Variants in MED13L observed in about 807,000 individuals in gnomAD.
The protein encoded by MED13L is mediator of RNA polymerase II transcription subunit 13-like.
Under a neutral mutation model 220.9 loss-of-function variants are expected in MED13L, and 7 were observed. That is an observed-to-expected ratio of 0.03 (90% CI 0.02 to 0.06). MED13L has a LOEUF of 0.06. Ranked by LOEUF, MED13L falls within the 10% of genes least tolerant of loss-of-function variation. The probability of loss-of-function intolerance (pLI) is 1.00; values close to 1 mark genes in which losing one functional copy is unlikely to be tolerated. For missense variants in MED13L, 1,965 were observed against 2,760.5 expected (o/e 0.71, Z 6.46); for synonymous variants, 1,011 against 1,015.2 (o/e 1.00, Z 0.08).
At chr12:116,045,722 T>C (rs575470018) in intron 4 of MED13L, among the ~76,000 whole-genome samples, 1 of 152,126 alleles carries the variant, frequency 6.6e-6, no homozygotes, top group Non-Finnish European at 1.5e-5. Context: ...CCAAACGGGA[T>C]CCAGTTCAGA....
intron 4 of MED13L, among the ~76,000 whole-genome samples, chr12:116,092,083 T>C (rs1872268519): frequency 1.3e-5 from 2 of 152,248 alleles, no homozygotes; most frequent in African/African-American, 2.4e-5. Context: ...TATGCATGAT[T>C]ATGTAAGTCC....
At position 116,223,436 on chromosome 12, in the gene MED13L, G is replaced by A. The variant is rs186279024; in HGVS notation, c.310+14032C>T. On this transcript the variant is annotated intron_variant, in intron 2 of 30. Transcript: ENST00000281928. ...AAATAAGATACTGCAGGCCCAGTGC[G>A]ATGGATCACGCTTGTAATCCCAGCA... is the stretch of plus-strand genomic sequence containing the variant. Among the ~76,000 whole-genome samples, 525 of 152,190 alleles carry A rather than the reference G, an allele frequency of 3.4e-3. 4 individuals are homozygous for A. The highest frequency in any genetic ancestry group is 5.6e-3 in the Non-Finnish European group (383 of 68,018).
intron 2 of MED13L, among the ~76,000 whole-genome samples, chr12:116,208,612 T>G (rs191773646): frequency 2.0e-5 from 3 of 152,180 alleles, no homozygotes; most frequent in African/African-American, 7.2e-5. Flanking sequence ...TCAAGTAAGA[T>G]TCAACTGTTC....
At chr12:116,047,797 C>T (rs984473033) in intron 4 of MED13L, among the ~76,000 whole-genome samples, 1 of 152,206 alleles carries the variant, frequency 6.6e-6, no homozygotes, top group African/African-American at 2.4e-5. Context: ...GTTCTACTGC[C>T]ACATAACCTG....
chr12:116,054,980 G>T (rs908954718), intron 4 of MED13L, among the ~76,000 whole-genome samples: 1 of 152,170 alleles, frequency 6.6e-6, no homozygotes, highest in Admixed American at 6.5e-5. Context: ...ACATGCAAGG[G>T]ATTAAATAAA....
chr12:116,239,743 A>G lies in MED13L; in HGVS notation c.73-2038T>C, dbSNP rs548237688. Reference sequence around the variant, plus strand: ...GACTCATGATGAGTGCTACCACGTTACTGTTCAATTAATAGTCTCCCCAAT... The same window carrying G: ...GACTCATGATGAGTGCTACCACGTTGCTGTTCAATTAATAGTCTCCCCAAT... On this transcript the variant is annotated intron_variant, in intron 1 of 30. Coordinates refer to ENST00000281928, the MANE Select transcript of MED13L (RefSeq NM_015335.5). Among the ~76,000 whole-genome samples, 79 of 152,240 alleles carry G rather than the reference A, an allele frequency of 5.2e-4. 1 individual carries two copies. Among genetic ancestry groups the G allele is most frequent in the Non-Finnish European group, 9.8e-4 (67 of 68,046 alleles).
chr12:116,236,469 C>A (rs1870091292), intron 2 of MED13L, among the ~76,000 whole-genome samples: 1 of 151,206 alleles, frequency 6.6e-6, no homozygotes, highest in Non-Finnish European at 1.5e-5. Flanking sequence ...AGAACAGAGC[C>A]TCGAACATAC....
intron 4 of MED13L, among the ~76,000 whole-genome samples, chr12:116,078,054 G>GA (rs1870941132): frequency 6.8e-6 from 1 of 146,762 alleles, no homozygotes; most frequent in Non-Finnish European, 1.5e-5. Flanking sequence ...TGAGGCACAA[G>GA]AATTGCTTGA....
At chr12:116,148,102 G>A (rs945546827) in intron 2 of MED13L, among the ~76,000 whole-genome samples, 71 of 143,542 alleles carry the variant, frequency 4.9e-4, no homozygotes, top group African/African-American at 1.8e-3. Context: ...AGGGGGGCGG[G>A]GGTTCAAGCA....
At chr12:116,013,822 C>G (rs762765503) in intron 8 of MED13L, among the ~76,000 whole-genome samples, 1 of 152,240 alleles carries the variant, frequency 6.6e-6, no homozygotes, top group South Asian at 2.1e-4. Flanking sequence ...AGTTCTCCCA[C>G]TCTCTGCCCT....
chr12:116,217,738 C>T (rs1883087837), intron 2 of MED13L, among the ~76,000 whole-genome samples: 1 of 152,128 alleles, frequency 6.6e-6, no homozygotes, highest in Non-Finnish European at 1.5e-5. Context: ...TGACACAGTT[C>T]AACAGTGAAT....
Position 116,008,617 on chromosome 12 carries a change from G to C in MED13L, c.1796C>G (p.Thr599Ser). ...AGGCAGTCTTTGGCCTACGAGGACA[G>C]TTCTGTCATCCAGAGTAGACAACTG... ...LQQLSTLDDR[T>S]VLVGQRLPLM... Residue 599 changes from threonine to serine, a missense_variant, in exon 10 of 31, where the codon ACT (threonine) becomes AGT (serine). Coordinates refer to ENST00000281928, the MANE Select transcript of MED13L (RefSeq NM_015335.5). 1 of 1,614,102 alleles carries C rather than the reference G, an allele frequency of 6.2e-7. No individual in the cohort carries two copies. Among genetic ancestry groups the C allele is most frequent in the African/African-American group, 1.3e-5 (1 of 75,046 alleles).
intron 3 of MED13L, among the ~76,000 whole-genome samples, chr12:116,098,189 T>C (rs1462307496): frequency 1.3e-5 from 2 of 151,974 alleles, no homozygotes; most frequent in Admixed American, 6.6e-5. Flanking sequence ...GAGGTTGCAG[T>C]GATCTGAGAT....
chr12:116,221,930 A>G (rs1868478775), intron 2 of MED13L, among the ~76,000 whole-genome samples: 2 of 152,186 alleles, frequency 1.3e-5, no homozygotes, highest in South Asian at 4.1e-4. Context: ...TTGCACAGCC[A>G]AAGACAGAAA....
chr12:116,167,629 C>T (rs899384759), intron 2 of MED13L, among the ~76,000 whole-genome samples: 7 of 152,170 alleles, frequency 4.6e-5, no homozygotes, highest in African/African-American at 1.7e-4. Context: ...TCCATTAGGA[C>T]ATGAGTGCTG....
At chr12:115,981,074 AT>A in intron 22 of MED13L, 136 bp from the exon 23 acceptor site, 1 of 699,328 alleles carries the variant, frequency 1.4e-6, no homozygotes, top group Non-Finnish European at 2.5e-6. Context: ...CAGCCTTAAA[AT>A]ATATCTGTGC....
intron 2 of MED13L, among the ~76,000 whole-genome samples, chr12:116,207,126 T>C (rs1352475606): frequency 6.6e-6 from 1 of 151,794 alleles, no homozygotes; most frequent in Non-Finnish European, 1.5e-5. Flanking sequence ...GGTGGTCCCA[T>C]AATATAATAA....
chr12:116,194,414 C>T lies in MED13L; in HGVS notation c.310+43054G>A, dbSNP rs187721793. Among the ~76,000 whole-genome samples the T allele has an allele frequency of 1.2e-3, 189 of 152,200 alleles. 2 individuals carry two copies. Among genetic ancestry groups the T allele is most frequent in the East Asian group, 3.7e-3 (19 of 5,172 alleles). Reference sequence around the variant, plus strand: ...TCCCGACCTCAGGTGAGCCACCCACCTCCGCCTCCCAAAGTGCTGGGATTA... The same window carrying T: ...TCCCGACCTCAGGTGAGCCACCCACTTCCGCCTCCCAAAGTGCTGGGATTA... On this transcript the variant is annotated intron_variant, in intron 2 of 30. Coordinates refer to ENST00000281928, the MANE Select transcript of MED13L (RefSeq NM_015335.5).
At position 116,096,354 on chromosome 12, in the gene MED13L, C is replaced by CAAAAAAAAAAAAAAAAAAAAAA; in HGVS notation, c.479+293_479+314dup. Among the ~76,000 whole-genome samples, 49 of 23,562 alleles carry CAAAAAAAAAAAAAAAAAAAAAA rather than the reference C, an allele frequency of 2.1e-3. 1 individual carries two copies. Among genetic ancestry groups the CAAAAAAAAAAAAAAAAAAAAAA allele is most frequent in the East Asian group, 4.1e-3 (2 of 490 alleles). The allele number at this position is 23,562 out of a possible 152,430, so 15.5% of individuals were successfully genotyped here. ...TGGGTGACAGAGTGAGACACAGCCT[C>CAAAAAAAAAAAAAAAAAAAAAA]AAAAAAAAAAAAAAAAAAAAAAAAA... On this transcript the variant is annotated intron_variant, in intron 4 of 30. Coordinates refer to ENST00000281928, the MANE Select transcript of MED13L (RefSeq NM_015335.5).
Sources: allele counts gnomAD v4.1 joint callset (sites outside exome capture counted in the v4.1 genomes callset), GRCh38; gene constraint gnomAD v4.1.1; transcripts MANE v1.5; gene names NCBI Gene and HGNC (gene_info 2026-07-23, HGNC 2026-07-21).